PCDHGA9: variants seen among roughly 807,000 people sequenced by gnomAD.
The protein encoded by PCDHGA9 is protocadherin gamma-A9.
Under a neutral mutation model 62.5 loss-of-function variants are expected in PCDHGA9, and 37 were observed. That is an observed-to-expected ratio of 0.59 (90% CI 0.46 to 0.78). The LOEUF is 0.78. PCDHGA9 is among the 30% of genes least tolerant of loss of function. PCDHGA9 has a pLI of 0.00. For synonymous variants in PCDHGA9, 459 were observed against 484.6 expected, an observed-to-expected ratio of 0.95 and a Z score of 0.69; for missense variants, 1,138 against 1,166.2, an observed-to-expected ratio of 0.98 and a Z score of 0.35.
chr5:141,431,642 G>A lies in PCDHGA9; in HGVS notation c.2424+26266G>A, dbSNP rs762914489. The A allele has an allele frequency of 6.2e-7, 1 of 1,614,272 alleles. No homozygotes were observed. The highest frequency in any genetic ancestry group is 1.1e-5 in the South Asian group (1 of 91,090). On this transcript the variant is annotated intron_variant, in intron 1 of 3. Transcript: ENST00000573521. This position sits in a 1 kb window ranked among gnomAD's most constrained non-coding sequence, Gnocchi z 4.8. ...CAAGGCGGCCCAAGTTTTCAAACTA[G>A]ATTGTAATTCAGGGACAATATCAAC... is the stretch of plus-strand genomic sequence containing the variant.
intron 1 of PCDHGA9, chr5:141,409,675 AG>A (rs2095301185): frequency 1.9e-6 from 3 of 1,613,304 alleles, no homozygotes; most frequent in African/African-American, 2.7e-5. Flanking sequence ...CCTACTCTAT[AG>A]TGGCGAGTGA....
intron 1 of PCDHGA9, among the ~76,000 whole-genome samples, chr5:141,488,675 T>C (rs888235928): frequency 2.6e-5 from 4 of 152,116 alleles, no homozygotes; most frequent in Admixed American, 1.3e-4. Flanking sequence ...TACATGGGCT[T>C]TGCCTCTCCC....
chr5:141,404,710 C>A lies in PCDHGA9; in HGVS notation c.1758C>A (p.Tyr586Ter), dbSNP rs772390810. Residue 586 changes from tyrosine to a stop codon, truncating the protein, a stop_gained, in exon 1 of 4, where the codon TAC (tyrosine) becomes TAA (stop). Transcript: ENST00000573521. LOFTEE classifies it high-confidence loss of function. The part of the protein sequence containing the change: ...ELAPRSAEPG[Y>*]LVTKVVAVDR... ...CACCCCGCTCTGCAGAGCCTGGCTA[C>A]CTGGTGACCAAGGTGGTGGCAGTGG... 6.2e-7 allele frequency: 1 copy of A among 1,614,014 alleles called. No homozygotes were observed. Among genetic ancestry groups the A allele is most frequent in the African/African-American group, 1.3e-5 (1 of 74,910 alleles).
At chr5:141,418,632 G>A in intron 1 of PCDHGA9, 1 of 1,614,028 alleles carries the variant, frequency 6.2e-7, no homozygotes, top group Non-Finnish European at 8.5e-7. Flanking sequence ...GTGCCTCCAG[G>A]CACCTCCATC....
chr5:141,484,750 G>GTATA (rs545232987), intron 1 of PCDHGA9, among the ~76,000 whole-genome samples: 1 of 149,818 alleles, frequency 6.7e-6, no homozygotes, highest in Non-Finnish European at 1.5e-5. Context: ...GAAAAAAAAT[G>GTATA]TATATATATA....
At chr5:141,413,664 T>G in intron 1 of PCDHGA9, 1 of 1,613,858 alleles carries the variant, frequency 6.2e-7, no homozygotes, top group Non-Finnish European at 8.5e-7. Flanking sequence ...AAGCTATTGA[T>G]CCGGATGTGG....
rs748462670 is a variant in PCDHGA9, at chr5:141,478,010, C to T, written c.2425-16797C>T. Reference sequence around the variant, plus strand: ...GCACACTGGTCAAATCAGTACTGCCCGTCCAGTCCAAGACACAGATTCACC... The same window carrying T: ...GCACACTGGTCAAATCAGTACTGCCTGTCCAGTCCAAGACACAGATTCACC... On this transcript the variant is annotated intron_variant, in intron 1 of 3. Coordinates refer to ENST00000573521, the MANE Select transcript of PCDHGA9 (RefSeq NM_018921.3). 9 of 1,614,008 alleles carry T rather than the reference C, an allele frequency of 5.6e-6. No homozygotes were observed. The highest frequency in any genetic ancestry group is 1.7e-5 in the Admixed American group (1 of 59,998).
intron 1 of PCDHGA9, chr5:141,433,165 C>T: frequency 2.5e-6 from 4 of 1,613,470 alleles, no homozygotes; most frequent in Non-Finnish European, 2.5e-6. Context: ...TTTCTAAAGA[C>T]AGTCATGGGT....
At chr5:141,417,003 A>T (rs1444236854) in intron 1 of PCDHGA9, 1 of 150,264 alleles carries the variant, frequency 6.7e-6, no homozygotes, top group African/African-American at 2.5e-5. Flanking sequence ...CATCTCAAAT[A>T]ATTCTATTAT....
chr5:141,428,479 T>A (rs577865239), intron 1 of PCDHGA9: 1 of 328,682 alleles, frequency 3.0e-6, no homozygotes, highest in African/African-American at 2.1e-5. Flanking sequence ...TTTGCTTTAT[T>A]CCTGCAATCT....
At chr5:141,414,897 C>G in intron 1 of PCDHGA9, 1 of 1,614,230 alleles carries the variant, frequency 6.2e-7, no homozygotes, top group Non-Finnish European at 8.5e-7. Flanking sequence ...TCCCCACAGA[C>G]GGTTCCACAG....
chr5:141,438,638 A>G (rs1192725978), intron 1 of PCDHGA9, among the ~76,000 whole-genome samples: 1 of 22,806 alleles, frequency 4.4e-5, no homozygotes, highest in East Asian at 1.6e-3. Flanking sequence ...ATATATATAC[A>G]CACACACACA....
chr5:141,418,413 A>T, intron 1 of PCDHGA9: 1 of 1,614,048 alleles, frequency 6.2e-7, no homozygotes, highest in Non-Finnish European at 8.5e-7. Flanking sequence ...GAGAAAGACA[A>T]TCCTGATGGT....
At chr5:141,408,712 T>C in intron 1 of PCDHGA9, 2 of 1,612,332 alleles carry the variant, frequency 1.2e-6, no homozygotes, top group Non-Finnish European at 1.7e-6. Flanking sequence ...TTAAAGATTA[T>C]AAGATAAACT....
At position 141,403,190 on chromosome 5, in the gene PCDHGA9, C is replaced by G. The variant is rs768673759; in HGVS notation, c.238C>G (p.Arg80Gly). The G allele has an allele frequency of 1.1e-5, 17 of 1,613,864 alleles. No homozygotes were observed. The African/African-American group carries it at 2.0e-4, about 19-fold the overall frequency. Residue 80 changes from arginine to glycine, a missense_variant, in exon 1 of 4, where the codon CGC (arginine) becomes GGC (glycine). By Grantham distance (125) the Arg-to-Gly change is moderately radical. Coordinates refer to ENST00000573521, the MANE Select transcript of PCDHGA9 (RefSeq NM_018921.3). Reference protein sequence around the residue: ...GRTQLFSLNPRSGTLVTAGRI... With the variant: ...GRTQLFSLNPGSGTLVTAGRI... ...GACGCAGCTTTTCTCTCTGAACCCG[C>G]GCAGCGGCACCTTGGTCACCGCGGG...
chr5:141,403,405 T>A lies in PCDHGA9; in HGVS notation c.453T>A (p.Arg151=). The stretch of plus-strand genomic sequence containing the variant: ...ACGAAATCGCGGTTCCTGGAGCACG[T>A]TATCCACTTCCAGAAGCTATTGATC... ...KINEIAVPGA[R]YPLPEAIDPD... is the part of the protein sequence containing the mutation. Residue 151 remains arginine, a synonymous_variant, in exon 1 of 4, where the codon CGT becomes CGA. Coordinates refer to ENST00000573521, the MANE Select transcript of PCDHGA9 (RefSeq NM_018921.3). 4 of 1,614,060 alleles carry A rather than the reference T, an allele frequency of 2.5e-6. No individual in the cohort carries two copies. Among genetic ancestry groups the A allele is most frequent in the Non-Finnish European group, 3.4e-6 (4 of 1,179,906 alleles).
At chr5:141,417,913 T>C in intron 1 of PCDHGA9, 1 of 1,601,944 alleles carries the variant, frequency 6.2e-7, no homozygotes, top group Admixed American at 1.8e-5. Context: ...AGGTACTATT[T>C]CCTTTGCTGC....
In PCDHGA9 at chr5:141,431,964, A is replaced by G; in HGVS notation, c.2424+26588A>G. On this transcript the variant is annotated intron_variant, in intron 1 of 3. Coordinates refer to ENST00000573521, the MANE Select transcript of PCDHGA9 (RefSeq NM_018921.3). The surrounding 1 kb of genome is among the most constrained non-coding windows in gnomAD (Gnocchi z 4.8). Reference sequence around the variant, plus strand: ...TTAGAAAAATCTTACGGAAATTACTATAGTTTAGTCACAGACATAGTCTTG... The same window carrying G: ...TTAGAAAAATCTTACGGAAATTACTGTAGTTTAGTCACAGACATAGTCTTG... 2.5e-6 allele frequency: 4 copies of G among 1,614,218 alleles called. No individual in the cohort carries two copies. The highest frequency in any genetic ancestry group is 2.5e-6 in the Non-Finnish European group (3 of 1,180,028).
intron 1 of PCDHGA9, among the ~76,000 whole-genome samples, chr5:141,455,749 C>A (rs2098830563): frequency 6.6e-6 from 1 of 152,086 alleles, no homozygotes; most frequent in Non-Finnish European, 1.5e-5. Context: ...AGGTTGCTGG[C>A]CTGGCTCCTA....
Sources: gnomAD v4.1 joint callset for allele counts (sites outside exome capture counted in the v4.1 genomes callset) on GRCh38, gnomAD v4.1.1 for gene constraint, Gnocchi (gnomAD v3.1) non-coding constraint, MANE v1.5 for transcripts, NCBI Gene and HGNC (gene_info 2026-07-23, HGNC 2026-07-21) for gene names.